The following ANO10 variants were observed in gnomAD, a reference collection of about 807,000 sequenced individuals.
ANO10 encodes the protein anoctamin 10.
ANO10 carries 77 observed loss-of-function variants against 74.7 expected under a neutral mutation model. The observed-to-expected ratio is 1.03, with a 90% confidence interval of 0.86 to 1.25. ANO10 has a LOEUF of 1.25. Among genes scored for constraint, ANO10 ranks in the 50% most tolerant of loss-of-function variants. The pLI is 0.00. For missense variants in ANO10, 721 were observed against 778.1 expected, an observed-to-expected ratio of 0.93 and a Z score of 0.87; for synonymous variants, 279 against 284.9, an observed-to-expected ratio of 0.98 and a Z score of 0.21.
chr3:43,654,309 T>C (rs1177540192), intron 1 of ANO10, among the ~76,000 whole-genome samples: 1 of 152,188 alleles, frequency 6.6e-6, no homozygotes, highest in Non-Finnish European at 1.5e-5. Context: ...GTCTTTGAAA[T>C]ACTCTGTTGG....
intron 1 of ANO10, among the ~76,000 whole-genome samples, chr3:43,650,753 TTC>T (rs1236110852): frequency 6.6e-6 from 1 of 152,214 alleles, no homozygotes; most frequent in African/African-American, 2.4e-5. Context: ...AGCTGCTGTG[TTC>T]TGTTTGTGTT....
intron 10 of ANO10, among the ~76,000 whole-genome samples, chr3:43,554,186 C>CTT (rs58374632): frequency 1.3e-4 from 17 of 128,714 alleles, no homozygotes; most frequent in East Asian, 4.4e-4. Flanking sequence ...AGTGATTTTT[C>CTT]TTTTTTTTTT....
In ANO10 at chr3:43,580,567, T is replaced by C. The variant is rs113290332; in HGVS notation, c.473-95A>G. On this transcript the variant is annotated intron_variant, in intron 4 of 12. Transcript: ENST00000292246. The stretch of plus-strand genomic sequence containing the variant: ...ACTATAAGGACACTCCACAGAGGAG[T>C]ACAACGCAAAGGTCAATGTCATACT... The C allele has an allele frequency of 1.1e-5, 17 of 1,502,004 alleles. No individual in the cohort carries two copies. The African/African-American group carries it at 1.2e-4, about 11-fold the overall frequency. The allele number at this position is 1,502,004 out of a possible 1,614,324, so 93.0% of individuals were successfully genotyped here.
At chr3:43,397,992 G>A (rs2092413506) in intron 12 of ANO10, among the ~76,000 whole-genome samples, 2 of 152,184 alleles carry the variant, frequency 1.3e-5, no homozygotes, top group African/African-American at 4.8e-5. Flanking sequence ...ACAGGAAGCA[G>A]GAGTTCCTTC....
intron 4 of ANO10, among the ~76,000 whole-genome samples, chr3:43,594,641 T>G (rs1453195167): frequency 1.3e-5 from 2 of 152,174 alleles, no homozygotes; most frequent in Non-Finnish European, 2.9e-5. Flanking sequence ...TAGCACTAAA[T>G]GCCCACAAGA....
intron 11 of ANO10, among the ~76,000 whole-genome samples, chr3:43,480,914 A>G (rs573831578): frequency 6.6e-6 from 1 of 152,196 alleles, no homozygotes; most frequent in African/African-American, 2.4e-5. Flanking sequence ...ATCATGGCAC[A>G]CTACGTACTT....
Position 43,537,233 on chromosome 3 carries a change from G to T in ANO10, c.1797+12487C>A, listed in dbSNP as rs142601649. Reference sequence around the variant, plus strand: ...TATAGGCTGTGGAAGAATATCATTGGTCTATCAGAGAGCTCCTCTTTCCTT... The same window carrying T: ...TATAGGCTGTGGAAGAATATCATTGTTCTATCAGAGAGCTCCTCTTTCCTT... On this transcript the variant is annotated intron_variant, in intron 11 of 12. Coordinates refer to ENST00000292246, the MANE Select transcript of ANO10 (RefSeq NM_018075.5). 7.6e-3 allele frequency among the ~76,000 whole-genome samples: 1,154 copies of T among 152,216 alleles called. 17 individuals carry two copies. The highest frequency in any genetic ancestry group is 0.025 in the African/African-American group (1,042 of 41,530).
At chr3:43,483,953 T>C (rs919936668) in intron 11 of ANO10, among the ~76,000 whole-genome samples, 8 of 152,214 alleles carry the variant, frequency 5.3e-5, no homozygotes, top group African/African-American at 1.7e-4. Context: ...CTATTATTAT[T>C]TGATACAGGG....
At position 43,552,739 on chromosome 3, in the gene ANO10, T is replaced by A. The variant is rs572655180; in HGVS notation, c.1668+2539A>T. Among the ~76,000 whole-genome samples the A allele has an allele frequency of 4.8e-5, 7 of 146,302 alleles. No homozygotes were observed. In the East Asian group the frequency reaches 1.4e-3, roughly 29 times the overall value. On this transcript the variant is annotated intron_variant, in intron 10 of 12. Transcript: ENST00000292246. ...ATATATATATATATATGTATGTATG[T>A]ATGTATGTATGTATGTATGTATGTA...
intron 1 of ANO10, among the ~76,000 whole-genome samples, chr3:43,666,028 AT>A (rs2083987762): frequency 6.6e-6 from 1 of 152,204 alleles, no homozygotes; most frequent in Non-Finnish European, 1.5e-5. Context: ...TATTAATGTA[AT>A]TTTAAGTCAT....
intron 4 of ANO10, among the ~76,000 whole-genome samples, chr3:43,596,581 C>A (rs1374181108): frequency 2.0e-5 from 3 of 151,996 alleles, no homozygotes; most frequent in African/African-American, 7.2e-5. Context: ...TGAAACTGTA[C>A]CCCTTCCTTA....
At chr3:43,578,751 A>G (rs1263317813) in intron 5 of ANO10, among the ~76,000 whole-genome samples, 2 of 97,706 alleles carry the variant, frequency 2.0e-5, no homozygotes, top group Non-Finnish European at 4.2e-5. Context: ...CTCCATCTCA[A>G]AAAAAAAAAA....
intron 11 of ANO10, among the ~76,000 whole-genome samples, chr3:43,453,014 A>AT (rs1226660664): frequency 1.3e-5 from 2 of 152,124 alleles, no homozygotes; most frequent in African/African-American, 4.8e-5. Flanking sequence ...TCCTTTGCCC[A>AT]TTTTTTAATT....
chr3:43,597,178 A>T (rs892681676), intron 4 of ANO10, among the ~76,000 whole-genome samples: 1 of 152,246 alleles, frequency 6.6e-6, no homozygotes, highest in Admixed American at 6.5e-5. Context: ...ACGGTAAACT[A>T]GTTCAACCAT....
At chr3:43,642,624 G>T (rs1008326382) in intron 1 of ANO10, among the ~76,000 whole-genome samples, 22 of 152,098 alleles carry the variant, frequency 1.4e-4, no homozygotes, top group Admixed American at 1.4e-3. Context: ...ACACGAAAAG[G>T]TAACCAAACC....
chr3:43,591,038 G>GA (rs1350214465), intron 4 of ANO10, among the ~76,000 whole-genome samples: 2 of 152,302 alleles, frequency 1.3e-5, no homozygotes, highest in East Asian at 3.9e-4. Context: ...CAATGATCGG[G>GA]ATATAAACCC....
rs180992662 is a variant in ANO10, at chr3:43,550,299, A to T, written c.1669-451T>A. On this transcript the variant is annotated intron_variant, in intron 10 of 12. Coordinates refer to ENST00000292246, the MANE Select transcript of ANO10 (RefSeq NM_018075.5). ...CTCAGCTATAACCAGCTTTATAATC[A>T]AGGCACCAGTGATAAATGGTGATCC... 3.0e-4 allele frequency among the ~76,000 whole-genome samples: 46 copies of T among 152,318 alleles called. 1 individual carries two copies.
intron 11 of ANO10, among the ~76,000 whole-genome samples, chr3:43,453,342 G>A (rs1161397814): frequency 6.6e-6 from 1 of 152,032 alleles, no homozygotes; most frequent in East Asian, 1.9e-4. Flanking sequence ...ACTGTGCCCG[G>A]CTAATTTTCC....
At chr3:43,612,140 TTATATATA>T (rs55675402) in intron 1 of ANO10, among the ~76,000 whole-genome samples, 3,514 of 64,438 alleles carry the variant, frequency 0.055, 91 homozygotes, top group African/African-American at 0.076. Flanking sequence ...ATTAAATATT[TTATATATA>T]TATATATATA....
Sources: allele counts gnomAD v4.1 joint callset (sites outside exome capture counted in the v4.1 genomes callset), GRCh38; gene constraint gnomAD v4.1.1; transcripts MANE v1.5; gene names NCBI Gene and HGNC (gene_info 2026-07-23, HGNC 2026-07-21).